Variants in ZNF69 observed in about 807,000 individuals in gnomAD.
ZNF69 encodes the protein ZNF3.
In ZNF69, 47 loss-of-function variants were observed where a neutral mutation model predicts 50.9. That is an observed-to-expected ratio of 0.92 (90% confidence interval 0.73 to 1.18). The LOEUF (loss-of-function observed/expected upper bound fraction) is 1.18, where lower values mean the gene tolerates loss of function less well. Ranked by LOEUF, ZNF69 falls within the 50% of genes most tolerant of loss-of-function variation. ZNF69 has a pLI of 0.00. For synonymous variants in ZNF69, 216 were observed against 223.1 expected (o/e 0.97, Z 0.29); for missense variants, 717 against 675.1 (o/e 1.06, Z -0.69).
chr19:11,943,989 C>T, the ZNF69 span, among the ~76,000 whole-genome samples: 20 of 152,006 alleles, frequency 1.3e-4, no homozygotes, highest in African/African-American at 4.8e-4. Flanking sequence ...GTGGTGGATC[C>T]AGGCCGGGAT....
the ZNF69 span, chr19:11,950,820 A>G: frequency 1.7e-5 from 3 of 174,300 alleles, no homozygotes; most frequent in East Asian, 1.8e-4. Context: ...CAGTATTACC[A>G]TGTGGATAAA....
chr19:11,948,799 TTTAC>T, the ZNF69 span: 1 of 1,610,042 alleles, frequency 6.2e-7, no homozygotes, highest in African/African-American at 1.3e-5. Context: ...TGGTAAATCC[TTTAC>T]TTATTCTGCT....
the ZNF69 span, among the ~76,000 whole-genome samples, chr19:11,974,117 CTTTCTTTCT>C: frequency 0.14 from 10,676 of 77,918 alleles, 422 homozygotes; most frequent in East Asian, 0.17. Context: ...TTCTTTCTTT[CTTTCTTTCT>C]TTTCTTTCTT....
At chr19:11,949,584 C>T in the ZNF69 span, 1 of 1,612,802 alleles carries the variant, frequency 6.2e-7, no homozygotes, top group Non-Finnish European at 8.5e-7. Flanking sequence ...TTTATTCTGC[C>T]AAGTCATTTC....
the ZNF69 span, among the ~76,000 whole-genome samples, chr19:11,935,290 G>A: frequency 1.5e-5 from 2 of 134,252 alleles, no homozygotes; most frequent in East Asian, 4.6e-4. Flanking sequence ...AGTCTGGAGT[G>A]CAGTGGTGTA....
the ZNF69 span, among the ~76,000 whole-genome samples, chr19:11,958,825 A>G: frequency 1.3e-5 from 2 of 152,114 alleles, no homozygotes; most frequent in Non-Finnish European, 2.9e-5. Context: ...GAATCTTGCT[A>G]CCATGGAATT....
At chr19:11,948,461 G>C in the ZNF69 span, 1 of 1,614,006 alleles carries the variant, frequency 6.2e-7, no homozygotes, top group African/African-American at 1.3e-5. Context: ...ATGAGCATCA[G>C]AGGTGACACT....
the ZNF69 span, chr19:11,978,998 T>C: frequency 2.2e-5 from 35 of 1,614,052 alleles, no homozygotes; most frequent in Non-Finnish European, 2.9e-5. Context: ...TTCGTAGACA[T>C]GAAAGGACCC....
the ZNF69 span, among the ~76,000 whole-genome samples, chr19:11,970,154 C>T: frequency 6.6e-6 from 1 of 152,244 alleles, no homozygotes; most frequent in Non-Finnish European, 1.5e-5. Flanking sequence ...ATTGGAGACA[C>T]ATGGCTGTTC....
At chr19:11,948,258 G>C in the ZNF69 span, 1 of 1,607,610 alleles carries the variant, frequency 6.2e-7, no homozygotes, top group Non-Finnish European at 8.5e-7. Flanking sequence ...TTCATGATGT[G>C]TTTCTCATGT....
chr19:11,888,000 G>A lies in ZNF69; in HGVS notation c.63+14G>A, dbSNP rs779426455. 5.0e-6 allele frequency: 8 copies of A among 1,610,648 alleles called. No homozygotes were observed. Among genetic ancestry groups the A allele is most frequent in the East Asian group, 4.5e-5 (2 of 44,646 alleles). On this transcript the variant is annotated intron_variant, in intron 1 of 3. Coordinates refer to ENST00000429654, the MANE Select transcript of ZNF69 (RefSeq NM_001364730.1). ...AGCCAGGAAATGGTGCGTGTCTGGG[G>A]CCGGGTGTCGTGAGACGGGGGAGGG...
the ZNF69 span, chr19:11,925,186 C>T: frequency 6.3e-5 from 101 of 1,611,160 alleles, no homozygotes; most frequent in Non-Finnish European, 8.4e-5. Context: ...TGTACCCAGG[C>T]TTCTGTCGCT....
At chr19:11,960,421 T>C in the ZNF69 span, among the ~76,000 whole-genome samples, 4 of 152,180 alleles carry the variant, frequency 2.6e-5, no homozygotes, top group Non-Finnish European at 5.9e-5. Context: ...CTCCTAGGCT[T>C]GAGCAATCCT....
intron 1 of ZNF69, among the ~76,000 whole-genome samples, chr19:11,895,811 G>A (rs1163423909): frequency 6.6e-6 from 1 of 152,212 alleles, no homozygotes; most frequent in African/African-American, 2.4e-5. Flanking sequence ...ATGATGGGTA[G>A]TAAACTGATT....
chr19:11,909,589 G>A (rs1178461618), downstream of ZNF69, among the ~76,000 whole-genome samples: 1 of 152,180 alleles, frequency 6.6e-6, no homozygotes, highest in Non-Finnish European at 1.5e-5. Context: ...CTGAATAGAT[G>A]CAGAAAAGGC....
At chr19:11,974,117 C>CT in the ZNF69 span, among the ~76,000 whole-genome samples, 1,038 of 79,472 alleles carry the variant, frequency 0.013, 2 homozygotes, top group East Asian at 0.039. Flanking sequence ...TTCTTTCTTT[C>CT]TTTCTTTCTT....
the ZNF69 span, among the ~76,000 whole-genome samples, chr19:11,922,561 GT>G: frequency 6.6e-6 from 1 of 152,204 alleles, no homozygotes; most frequent in Non-Finnish European, 1.5e-5. Context: ...AATGCTGAAG[GT>G]TCTGCAGCTT....
At position 11,904,972 on chromosome 19, in the gene ZNF69, A is replaced by G. The variant is rs774650847; in HGVS notation, c.575A>G (p.Tyr192Cys). 3.1e-6 allele frequency: 5 copies of G among 1,614,062 alleles called. No homozygotes were observed. In the African/African-American group the frequency reaches 5.3e-5, roughly 17 times the overall value. Residue 192 changes from tyrosine to cysteine, a missense_variant, in exon 4 of 4, where the codon TAT (tyrosine) becomes TGT (cysteine). Coordinates refer to ENST00000429654, the MANE Select transcript of ZNF69 (RefSeq NM_001364730.1). ...AGGGATCACACTGGAGAGAAACCCT[A>G]TGCTTGTAAAGAATGTGGAAAAACT... is the stretch of plus-strand genomic sequence containing the variant. Reference protein sequence around the residue: ...PQRDHTGEKPYACKECGKTFI... With the variant: ...PQRDHTGEKPCACKECGKTFI...
At chr19:11,904,559 C>A (rs571570781) in intron 3 of ZNF69, 90 bp from the exon 4 acceptor site, 15 of 1,495,654 alleles carry the variant, frequency 1.0e-5, no homozygotes, top group Non-Finnish European at 1.3e-5. Flanking sequence ...CTTTGATGGA[C>A]AGTGTTAAAA....
Sources: allele counts gnomAD v4.1 joint callset (sites outside exome capture counted in the v4.1 genomes callset), GRCh38; gene constraint gnomAD v4.1.1; transcripts MANE v1.5; gene names NCBI Gene and HGNC (gene_info 2026-07-23, HGNC 2026-07-21).